EP300: variants seen among roughly 807,000 people sequenced by gnomAD.
EP300 encodes histone acetyltransferase p300.
A neutral mutation model predicts 264.0 loss-of-function variants in EP300; 31 were observed. The ratio of observed to expected loss-of-function variants is 0.12; its 90% CI spans 0.09 to 0.16. The LOEUF (loss-of-function observed/expected upper bound fraction) is 0.16. EP300 is among the 10% of genes least tolerant of loss of function. The probability of loss-of-function intolerance (pLI) is 1.00; values close to 1 mark genes in which losing one functional copy is unlikely to be tolerated. For synonymous variants in EP300, 1,340 were observed against 1,045.4 expected, an observed-to-expected ratio of 1.28 and a Z score of -5.44; for missense variants, 2,766 against 3,052.9, an observed-to-expected ratio of 0.91 and a Z score of 2.21.
chr22:41,178,026 C>T lies in EP300; in HGVS notation c.6315C>T (p.Gly2105=), dbSNP rs528866215. 2.3e-4 allele frequency: 373 copies of T among 1,614,054 alleles called. No homozygotes were observed. Among genetic ancestry groups the T allele is most frequent in the South Asian group, 4.2e-4 (38 of 91,074 alleles). Reference sequence around the variant, plus strand: ...CACAACCCATCCCTGGGCAGCCTGGCATGCCCCAGGGGCAGCCAGGGCTAC... The same window carrying T: ...CACAACCCATCCCTGGGCAGCCTGGTATGCCCCAGGGGCAGCCAGGGCTAC... ...SNPQPIPGQP[G]MPQGQPGLQP... The change falls in exon 31 of 31, where the codon GGC becomes GGT. Residue 2105 remains glycine (G), a synonymous_variant. Transcript: ENST00000263253.
chr22:41,136,505 A>T (rs897015674), intron 7 of EP300, among the ~76,000 whole-genome samples: 3 of 152,110 alleles, frequency 2.0e-5, no homozygotes, highest in Non-Finnish European at 1.5e-5. Context: ...AAGAAAATAC[A>T]AAAAAGTTAA....
intron 1 of EP300, among the ~76,000 whole-genome samples, chr22:41,112,864 G>T (rs974637588): frequency 6.6e-6 from 1 of 152,018 alleles, no homozygotes; most frequent in African/African-American, 2.4e-5. Flanking sequence ...GATTACAGTG[G>T]TCTGGCTTCC....
chr22:41,169,437 G>T, intron 25 of EP300, 66 bp from the exon 26 acceptor site: 1 of 940,380 alleles, frequency 1.1e-6, no homozygotes. Context: ...TTAGGCACAT[G>T]GAGTAAAGAA....
intron 6 of EP300, among the ~76,000 whole-genome samples, chr22:41,132,724 A>G (rs1034866749): frequency 6.6e-6 from 1 of 152,134 alleles, no homozygotes; most frequent in Non-Finnish European, 1.5e-5. Flanking sequence ...TGATTTCCTC[A>G]TGTCTGGCAG....
intron 1 of EP300, among the ~76,000 whole-genome samples, chr22:41,099,196 T>C (rs932738479): frequency 6.6e-6 from 1 of 152,116 alleles, no homozygotes; most frequent in Non-Finnish European, 1.5e-5. Context: ...CCGGAGTAGC[T>C]AGGACTACAG....
chr22:41,108,635 A>T (rs1326329249), intron 1 of EP300, among the ~76,000 whole-genome samples: 2 of 152,134 alleles, frequency 1.3e-5, no homozygotes, highest in African/African-American at 2.4e-5. Flanking sequence ...TCAGATGAAG[A>T]AACTTCAAAA....
intron 8 of EP300, among the ~76,000 whole-genome samples, chr22:41,138,820 C>T (rs1439465549): frequency 6.6e-6 from 1 of 152,106 alleles, no homozygotes; most frequent in Non-Finnish European, 1.5e-5. Context: ...GACTGAGGAA[C>T]TATTTATCAT....
chr22:41,110,209 C>T (rs2058781727), intron 1 of EP300, among the ~76,000 whole-genome samples: 1 of 145,766 alleles, frequency 6.9e-6, no homozygotes, highest in Non-Finnish European at 1.5e-5. Flanking sequence ...CGCACTGCAG[C>T]CTCAACCTCC....
At chr22:41,131,010 A>G (rs1200838506) in intron 5 of EP300, among the ~76,000 whole-genome samples, 6 of 152,150 alleles carry the variant, frequency 3.9e-5, no homozygotes. Context: ...AGAGAGGGGA[A>G]CTCCCAATAT....
chr22:41,127,471 T>G lies in EP300; in HGVS notation c.907-16T>G. 3 of 1,613,878 alleles carry G rather than the reference T, an allele frequency of 1.9e-6. No individual in the cohort carries two copies. Among genetic ancestry groups the G allele is most frequent in the Non-Finnish European group, 2.5e-6 (3 of 1,179,934 alleles). Reference sequence around the variant, plus strand: ...ATTATGACTCCTACCATTAAATATATTGTTATATCTCTCAGGGTCAACAGC... The same window carrying G: ...ATTATGACTCCTACCATTAAATATAGTGTTATATCTCTCAGGGTCAACAGC... On this transcript the variant is annotated splice_polypyrimidine_tract_variant and intron_variant, in intron 3 of 30. Coordinates refer to ENST00000263253, the MANE Select transcript of EP300 (RefSeq NM_001429.4).
chr22:41,092,764 C>T lies in EP300; in HGVS notation c.-241C>T, dbSNP rs934663665. Reference sequence around the variant, plus strand: ...CGCTCGGCGAATTTGTGCTCTTGTGCCCTCCTCCGGGCTTGGGCCCAGGCC... The same window carrying T: ...CGCTCGGCGAATTTGTGCTCTTGTGTCCTCCTCCGGGCTTGGGCCCAGGCC... On this transcript the variant is annotated 5_prime_UTR_variant, in exon 1 of 31. Coordinates refer to ENST00000263253, the MANE Select transcript of EP300 (RefSeq NM_001429.4). The T allele has an allele frequency of 6.4e-6, 4 of 621,940 alleles. No individual in the cohort carries two copies. The highest frequency in any genetic ancestry group is 1.2e-5 in the Non-Finnish European group (4 of 342,792). The allele number at this position is 621,940 out of a possible 1,614,324, so 38.5% of individuals were successfully genotyped here.
At position 41,147,943 on chromosome 22, in the gene EP300, C is replaced by T. The variant is rs1281296058; in HGVS notation, c.2238C>T (p.Asn746=). The change falls in exon 12 of 31, where the codon AAC becomes AAT. Residue 746 remains asparagine, a synonymous_variant. Transcript: ENST00000263253. ...AGTTGGCTCAACCTGGAGCTCTCAACCCGGTTAGTTTGACGTCTTTGGTAA... is the reference window on the plus strand; with the variant it reads ...AGTTGGCTCAACCTGGAGCTCTCAATCCGGTTAGTTTGACGTCTTTGGTAA... The part of the protein sequence containing the change: ...HGQLAQPGAL[N]PPMGYGPRMQ... The T allele has an allele frequency of 6.2e-7, 1 of 1,601,976 alleles. No individual in the cohort carries two copies. The highest frequency in any genetic ancestry group is 1.1e-5 in the South Asian group (1 of 89,660).
intron 8 of EP300, among the ~76,000 whole-genome samples, chr22:41,138,466 G>A (rs2058964449): frequency 6.6e-6 from 1 of 152,058 alleles, no homozygotes; most frequent in Admixed American, 6.6e-5. Flanking sequence ...GCCTGTCCTG[G>A]TAGAGCTTTT....
intron 8 of EP300, among the ~76,000 whole-genome samples, chr22:41,138,203 G>A (rs2058963075): frequency 6.6e-6 from 1 of 152,066 alleles, no homozygotes; most frequent in Admixed American, 6.5e-5. Flanking sequence ...TCACTCTGTT[G>A]CCCAGGCTGG....
At chr22:41,170,907 C>T (rs1478155529) in intron 27 of EP300, among the ~76,000 whole-genome samples, 1 of 151,124 alleles carries the variant, frequency 6.6e-6, no homozygotes, top group Non-Finnish European at 1.5e-5. Flanking sequence ...TTGTGATCCG[C>T]CCGCCTTGGC....
intron 23 of EP300, 42 bp from the exon 24 acceptor site, chr22:41,168,407 G>A: frequency 1.2e-6 from 2 of 1,611,736 alleles, no homozygotes; most frequent in Non-Finnish European, 1.7e-6. Flanking sequence ...ACTAACAACA[G>A]TAAATTTGCA....
At chr22:41,100,093 C>T (rs1188725382) in intron 1 of EP300, among the ~76,000 whole-genome samples, 2 of 152,090 alleles carry the variant, frequency 1.3e-5, no homozygotes, top group Admixed American at 1.3e-4. Context: ...GTCAGCAAGG[C>T]ATGGTGGCAT....
intron 14 of EP300, among the ~76,000 whole-genome samples, chr22:41,150,675 GGTCAGGA>G (rs1266842830): frequency 6.6e-6 from 1 of 151,978 alleles, no homozygotes; most frequent in Non-Finnish European, 1.5e-5. Context: ...GATCACTTGA[GGTCAGGA>G]GTTCAAGACC....
At chr22:41,140,021 A>G in intron 8 of EP300, 119 bp from the exon 9 acceptor site, 2 of 758,890 alleles carry the variant, frequency 2.6e-6, no homozygotes, top group Non-Finnish European at 4.7e-6. Flanking sequence ...TTCAGTAAGT[A>G]ATATATATCA....
Sources: allele counts gnomAD v4.1 joint callset (sites outside exome capture counted in the v4.1 genomes callset), GRCh38; gene constraint gnomAD v4.1.1; transcripts MANE v1.5; gene names NCBI Gene and HGNC (gene_info 2026-07-23, HGNC 2026-07-21).